Variants in GGTA1 observed in about 807,000 individuals in gnomAD.
GGTA1 encodes the protein inactive N-acetyllactosaminide alpha-1,3-galactosyltransferase.
A neutral mutation model predicts 2.6 loss-of-function variants in GGTA1; 5 were observed. That is an observed-to-expected ratio of 1.92 (90% CI 1.00 to 4.04). The LOEUF (loss-of-function observed/expected upper bound fraction) is 4.04. Among genes scored for constraint, GGTA1 ranks in the 30% most tolerant of loss-of-function variants. The pLI, the probability that GGTA1 is intolerant of heterozygous loss-of-function variation, is 0.00. For synonymous variants in GGTA1, 17 were observed against 5.0 expected, an observed-to-expected ratio of 3.38 and a Z score of -3.19; for missense variants, 50 against 16.7, an observed-to-expected ratio of 2.99 and a Z score of -3.47.
exon 8 of GGTA1, chr9:121,446,850 G>A (rs2064854266): frequency 6.6e-6 from 1 of 152,126 alleles, no homozygotes; most frequent in Non-Finnish European, 1.5e-5. Context: ...CTTTTCTGAG[G>A]AAGTAGCCAG....
intron 1 of GGTA1, among the ~76,000 whole-genome samples, chr9:121,481,240 C>T (rs929804767): frequency 2.0e-5 from 3 of 151,716 alleles, no homozygotes; most frequent in Non-Finnish European, 2.9e-5. Flanking sequence ...TAAATTATCA[C>T]CTAGTCCCAC....
In GGTA1 at chr9:121,476,959, G is replaced by T. The variant is rs1302209380; in HGVS notation, c.-9-9028C>A. 2.6e-5 allele frequency among the ~76,000 whole-genome samples: 4 copies of T among 152,144 alleles called. No individual in the cohort carries two copies. Among genetic ancestry groups the T allele is most frequent in the Admixed American group, 2.6e-4 (4 of 15,272 alleles). On this transcript the variant is annotated intron_variant, in intron 1 of 5. Transcript: ENST00000481799. The surrounding 1 kb of genome is among the most constrained non-coding windows in gnomAD (Gnocchi z 4.6). ...CCCACCTAGGTCCCAGAAACAACCG[G>T]TCCCAGGTGGACCTTGTTGAGCACC...
chr9:121,457,710 A>C (rs1564650894), intron 5 of GGTA1, among the ~76,000 whole-genome samples: 2 of 150,220 alleles, frequency 1.3e-5, no homozygotes, highest in East Asian at 3.9e-4. Flanking sequence ...TAAAAAAAAA[A>C]AAAAAACAGT....
rs145895996 is a variant in GGTA1 at position 121,460,051 on chromosome 9, C to T, written c.298+53G>A. The T allele has an allele frequency of 1.3e-4, 57 of 452,450 alleles. 2 individuals are homozygous for T. In the East Asian group the frequency reaches 3.8e-3, roughly 30 times the overall value. The allele number at this position is 452,450 out of a possible 1,614,324, so 28.0% of individuals were successfully genotyped here. ...CACTGTTGCCTCCACTGCCACACCACCCCCTGCAGGGCCATGGATTTGCTG... is the reference window on the plus strand; with the variant it reads ...CACTGTTGCCTCCACTGCCACACCATCCCCTGCAGGGCCATGGATTTGCTG... On this transcript the variant is annotated intron_variant, in intron 5 of 5. Coordinates refer to ENST00000481799, the MANE Select transcript of GGTA1 (RefSeq NM_001382585.1).
chr9:121,496,788 G>T (rs956846124), intron 1 of GGTA1, among the ~76,000 whole-genome samples: 1 of 147,986 alleles, frequency 6.8e-6, no homozygotes, highest in African/African-American at 2.5e-5. Context: ...ATGAACCTAG[G>T]GGGCAGAGAT....
At chr9:121,454,734 C>T (rs1564650133), downstream of GGTA1, among the ~76,000 whole-genome samples, 1 of 152,060 alleles carries the variant, frequency 6.6e-6, no homozygotes, top group Non-Finnish European at 1.5e-5. Context: ...AAAAATAAGC[C>T]GGGCGCGGTG....
At chr9:121,465,596 G>A (rs914709610) in intron 2 of GGTA1, among the ~76,000 whole-genome samples, 1 of 114,360 alleles carries the variant, frequency 8.7e-6, no homozygotes, top group African/African-American at 2.8e-5. Context: ...AGAAGAGGAA[G>A]AGGCAGTAGC....
At chr9:121,478,010 C>T (rs754794531) in intron 1 of GGTA1, among the ~76,000 whole-genome samples, 9 of 151,944 alleles carry the variant, frequency 5.9e-5, no homozygotes, top group Non-Finnish European at 8.8e-5. Context: ...CTTAGTTAAG[C>T]CCCATGACAA....
chr9:121,488,649 G>C (rs567329725), intron 1 of GGTA1, among the ~76,000 whole-genome samples: 2 of 150,638 alleles, frequency 1.3e-5, no homozygotes, highest in East Asian at 3.9e-4. Context: ...CCCGGGAGGC[G>C]GAAGTTGCAG....
intron 1 of GGTA1, among the ~76,000 whole-genome samples, chr9:121,479,713 C>T (rs1232692362): frequency 6.6e-6 from 1 of 152,150 alleles, no homozygotes; most frequent in Non-Finnish European, 1.5e-5. Flanking sequence ...CACACACAAA[C>T]ACACACACAC....
rs75818107 is a variant in GGTA1, at chr9:121,478,766, C to T, written c.-9-10835G>A. ...GACCTGTTCTCTGAAGTATATCTTA[C>T]AGTGCTTTCTCTCGAATCCCCTTTG... is the stretch of plus-strand genomic sequence containing the variant. On this transcript the variant is annotated intron_variant, in intron 1 of 5. Coordinates refer to ENST00000481799, the MANE Select transcript of GGTA1 (RefSeq NM_001382585.1). 7.9e-3 allele frequency among the ~76,000 whole-genome samples: 1,198 copies of T among 152,348 alleles called. 16 individuals are homozygous for T. The highest frequency in any genetic ancestry group is 0.028 in the African/African-American group (1,144 of 41,580).
At chr9:121,482,080 C>T (rs191109745) in intron 1 of GGTA1, among the ~76,000 whole-genome samples, 13 of 152,226 alleles carry the variant, frequency 8.5e-5, no homozygotes, top group Admixed American at 7.2e-4. Context: ...TGTCTTTCCC[C>T]GCTAGGGCCA....
intron 1 of GGTA1, among the ~76,000 whole-genome samples, chr9:121,491,283 G>A (rs74411059): frequency 0.02 from 3,100 of 152,316 alleles, 107 homozygotes; most frequent in African/African-American, 0.07. Flanking sequence ...TTTCCCTGGG[G>A]CAGGAGAAGG....
At chr9:121,487,524 C>T (rs1473997899) in intron 1 of GGTA1, among the ~76,000 whole-genome samples, 5 of 146,476 alleles carry the variant, frequency 3.4e-5, no homozygotes, top group East Asian at 4.2e-4. Context: ...TGCAGTGACC[C>T]GAGATCGCGC....
intron 5 of GGTA1, among the ~76,000 whole-genome samples, chr9:121,459,351 G>A (rs1432935233): frequency 6.6e-6 from 1 of 152,146 alleles, no homozygotes; most frequent in African/African-American, 2.4e-5. Context: ...TTACTCAGGA[G>A]GCTAAGCCTG....
At chr9:121,467,108 C>T (rs2065010652) in intron 2 of GGTA1, among the ~76,000 whole-genome samples, 1 of 152,002 alleles carries the variant, frequency 6.6e-6, no homozygotes, top group African/African-American at 2.4e-5. Context: ...TTTTTTGAAC[C>T]TTAAGGCTGA....
At chr9:121,475,361 G>A (rs1181014811) in intron 1 of GGTA1, among the ~76,000 whole-genome samples, 1 of 152,138 alleles carries the variant, frequency 6.6e-6, no homozygotes, top group Admixed American at 6.5e-5. Context: ...CCATAAAAAT[G>A]GGCAACCAGC....
chr9:121,480,431 G>T (rs918032285), intron 1 of GGTA1, among the ~76,000 whole-genome samples: 1 of 152,072 alleles, frequency 6.6e-6, no homozygotes, highest in African/African-American at 2.4e-5. Context: ...GAATCCCCAC[G>T]ACCTGAAACA....
chr9:121,450,176 G>A (rs1010269256), downstream of GGTA1, among the ~76,000 whole-genome samples: 1 of 152,158 alleles, frequency 6.6e-6, no homozygotes, highest in Admixed American at 6.5e-5. Context: ...AGGGTTTATA[G>A]TATTGATTCT....
Sources: gnomAD v4.1 joint callset for allele counts (sites outside exome capture counted in the v4.1 genomes callset) on GRCh38, gnomAD v4.1.1 for gene constraint, Gnocchi (gnomAD v3.1) non-coding constraint, MANE v1.5 for transcripts, NCBI Gene and HGNC (gene_info 2026-07-23, HGNC 2026-07-21) for gene names.